UMAD1: variants seen among roughly 807,000 people sequenced by gnomAD.
UMAD1 encodes the protein UBAP1-MVB12-associated (UMA) domain containing 1, also known as UBAP1-MVB12-associated (UMA)-domain containing protein 1.
In UMAD1, 8 loss-of-function variants were observed where a neutral mutation model predicts 6.1. The ratio of observed to expected loss-of-function variants is 1.30; its 90% CI spans 0.76 to 2.35. The LOEUF (loss-of-function observed/expected upper bound fraction) is 2.35, where lower values mean the gene tolerates loss of function less well. Among genes scored for constraint, UMAD1 ranks in the 30% most tolerant of loss-of-function variants. The pLI, the probability that UMAD1 is intolerant of heterozygous loss-of-function variation, is 0.00. For synonymous variants in UMAD1, 56 were observed against 31.4 expected (o/e 1.78, Z -2.61); for missense variants, 130 against 78.4 (o/e 1.66, Z -2.49).
intron 3 of UMAD1, among the ~76,000 whole-genome samples, chr7:7,807,406 A>G (rs1395637376): frequency 6.6e-6 from 1 of 152,128 alleles, no homozygotes; most frequent in Admixed American, 6.5e-5. Flanking sequence ...GTGAATCTCA[A>G]TGGCTGGTAA....
chr7:7,696,124 G>A lies in UMAD1; in HGVS notation c.82+22671G>A, dbSNP rs185311193. On this transcript the variant is annotated intron_variant, in intron 2 of 3. Transcript: ENST00000682710. ...GGGTTCAAGCGATCCTCCCATTGCA[G>A]CCTCCTGAGTAGCTGGGACTACAGG... Among the ~76,000 whole-genome samples the A allele has an allele frequency of 2.0e-4, 30 of 151,536 alleles. 1 individual carries two copies. The South Asian group carries it at 6.3e-3, about 32-fold the overall frequency.
chr7:7,702,063 C>CAT (rs1453417990), intron 2 of UMAD1, among the ~76,000 whole-genome samples: 2 of 152,068 alleles, frequency 1.3e-5, no homozygotes, highest in East Asian at 3.8e-4. Context: ...AATATATTCA[C>CAT]ATATAGTTGA....
At chr7:7,777,746 T>A (rs973655823) in intron 2 of UMAD1, among the ~76,000 whole-genome samples, 2 of 151,974 alleles carry the variant, frequency 1.3e-5, no homozygotes, top group African/African-American at 4.8e-5. Flanking sequence ...TTCCAGATAC[T>A]CGTGATAGTC....
intron 2 of UMAD1, chr7:7,715,348 A>G (rs1780874862): frequency 6.6e-6 from 1 of 152,244 alleles, no homozygotes; most frequent in South Asian, 2.1e-4. Context: ...TAGACCTTAT[A>G]GCTAGCTGTT....
intron 2 of UMAD1, among the ~76,000 whole-genome samples, chr7:7,755,309 A>G (rs576248823): frequency 1.3e-5 from 2 of 152,216 alleles, no homozygotes; most frequent in African/African-American, 2.4e-5. Flanking sequence ...TTTCCTTCCC[A>G]ATAGCACTCA....
intron 3 of UMAD1, among the ~76,000 whole-genome samples, chr7:7,846,253 T>G (rs1458304876): frequency 2.6e-5 from 4 of 152,194 alleles, no homozygotes; most frequent in African/African-American, 9.6e-5. Context: ...TATCTCATAG[T>G]GTCCATTTTA....
intron 2 of UMAD1, among the ~76,000 whole-genome samples, chr7:7,766,822 A>G (rs1410485611): frequency 6.6e-6 from 1 of 152,164 alleles, no homozygotes; most frequent in African/African-American, 2.4e-5. Context: ...ATTTATTTTG[A>G]AATATTAAGA....
At chr7:7,757,398 A>T (rs546201952) in intron 2 of UMAD1, among the ~76,000 whole-genome samples, 161 of 152,280 alleles carry the variant, frequency 1.1e-3, no homozygotes, top group African/African-American at 3.8e-3. Context: ...ATTTGTATTC[A>T]TTTTTAAACC....
At position 7,773,558 on chromosome 7, in the gene UMAD1, T is replaced by TA. The variant is rs527959541; in HGVS notation, c.83-28103dup. On this transcript the variant is annotated intron_variant, in intron 2 of 3. Transcript: ENST00000682710. ...TCAAGGTCAGAGGGAGCTTAATTTC[T>TA]AAAAAAAAACACAATAACAAAACCA... Among the ~76,000 whole-genome samples the TA allele has an allele frequency of 2.5e-4, 37 of 151,010 alleles. 1 individual carries two copies. The highest frequency in any genetic ancestry group is 6.9e-3 in the Middle Eastern group (2 of 290).
intron 3 of UMAD1, among the ~76,000 whole-genome samples, chr7:7,815,139 C>G (rs991315049): frequency 6.6e-6 from 1 of 152,076 alleles, no homozygotes; most frequent in African/African-American, 2.4e-5. Context: ...GTGATGGTTC[C>G]TCACAGTGGC....
chr7:7,778,267 T>A (rs796344611), intron 2 of UMAD1, among the ~76,000 whole-genome samples: 2,790 of 107,132 alleles, frequency 0.026, 36 homozygotes, highest in East Asian at 0.075. Context: ...TGTGTGTGTG[T>A]GTGTGTGTGA....
At chr7:7,690,459 T>G (rs1448143236) in intron 2 of UMAD1, among the ~76,000 whole-genome samples, 5 of 152,170 alleles carry the variant, frequency 3.3e-5, no homozygotes, top group African/African-American at 1.2e-4. Flanking sequence ...AGAAGAGTTT[T>G]AAAGGTAATG....
chr7:7,870,280 C>T (rs951582334), intron 3 of UMAD1, among the ~76,000 whole-genome samples: 4 of 151,840 alleles, frequency 2.6e-5, no homozygotes, highest in Non-Finnish European at 1.5e-5. Flanking sequence ...TAAGGGCAAC[C>T]GCTAATAATT....
chr7:7,648,871 A>G (rs1026492657), intron 1 of UMAD1, among the ~76,000 whole-genome samples: 21 of 149,272 alleles, frequency 1.4e-4, no homozygotes, highest in Admixed American at 4.0e-4. Context: ...AAGAAAGAAA[A>G]AAAAAGGCCG....
At chr7:7,659,306 C>T (rs888077480) in intron 1 of UMAD1, among the ~76,000 whole-genome samples, 11 of 152,138 alleles carry the variant, frequency 7.2e-5, no homozygotes, top group Non-Finnish European at 1.2e-4. Context: ...CTATCTCCTT[C>T]ATTTTTGCTC....
At chr7:7,697,907 T>G (rs957921777) in intron 2 of UMAD1, among the ~76,000 whole-genome samples, 2 of 152,198 alleles carry the variant, frequency 1.3e-5, no homozygotes, top group Non-Finnish European at 2.9e-5. Flanking sequence ...GAGGAAAATT[T>G]TGATATTCCC....
intron 2 of UMAD1, among the ~76,000 whole-genome samples, chr7:7,771,556 CT>C (rs1180172582): frequency 6.6e-6 from 1 of 152,146 alleles, no homozygotes; most frequent in Non-Finnish European, 1.5e-5. Flanking sequence ...TGAACATTTT[CT>C]TGTACTTTAA....
intron 2 of UMAD1, among the ~76,000 whole-genome samples, chr7:7,699,066 C>G (rs189270251): frequency 6.6e-6 from 1 of 150,474 alleles, no homozygotes; most frequent in East Asian, 2.0e-4. Context: ...GGGGTAGATA[C>G]CAGGTTTGCT....
At chr7:7,796,423 G>C (rs916853783) in intron 2 of UMAD1, among the ~76,000 whole-genome samples, 1 of 151,376 alleles carries the variant, frequency 6.6e-6, no homozygotes, top group Non-Finnish European at 1.5e-5. Flanking sequence ...GGCTAATTTT[G>C]CATTTTTATT....
Sources: gnomAD v4.1 joint callset for allele counts (sites outside exome capture counted in the v4.1 genomes callset) on GRCh38, gnomAD v4.1.1 for gene constraint, MANE v1.5 for transcripts, NCBI Gene and HGNC (gene_info 2026-07-23, HGNC 2026-07-21) for gene names.